The following UBE2W variants were observed in gnomAD, a reference collection of about 807,000 sequenced individuals.
The protein encoded by UBE2W is ubiquitin-conjugating enzyme E2 W.
In UBE2W, 18 loss-of-function variants were observed where a neutral mutation model predicts 27.2. That is an observed-to-expected ratio of 0.66 (90% CI 0.46 to 0.98). The LOEUF (loss-of-function observed/expected upper bound fraction) is 0.98. UBE2W is among the 50% of genes least tolerant of loss of function. The probability of loss-of-function intolerance (pLI) is 0.00; values close to 1 mark genes in which losing one functional copy is unlikely to be tolerated. For missense variants in UBE2W, 90 were observed against 180.2 expected (o/e 0.50, Z 2.87); for synonymous variants, 53 against 57.2 (o/e 0.93, Z 0.33).
intron 4 of UBE2W, among the ~76,000 whole-genome samples, chr8:73,809,571 T>C (rs1427611646): frequency 6.6e-6 from 1 of 152,122 alleles, no homozygotes; most frequent in African/African-American, 2.4e-5. Flanking sequence ...AATTTATATG[T>C]ATATTTTAAA....
At chr8:73,783,608 A>G (rs879712522), downstream of UBE2W, among the ~76,000 whole-genome samples, 27 of 152,068 alleles carry the variant, frequency 1.8e-4, no homozygotes, top group Non-Finnish European at 3.5e-4. Flanking sequence ...TTACTGAAAA[A>G]GCCTCTTGGG....
intron 3 of UBE2W, 66 bp downstream of exon 3, chr8:73,825,081 G>T: frequency 1.0e-6 from 1 of 980,842 alleles, no homozygotes; most frequent in Non-Finnish European, 1.5e-6. Flanking sequence ...TTTTTACTGA[G>T]TCAAACATCT....
At chr8:73,795,858 G>A in intron 5 of UBE2W, 1 of 784,484 alleles carries the variant, frequency 1.3e-6, no homozygotes, top group African/African-American at 1.9e-5. Context: ...GAGGTGGATG[G>A]ACTGCTTGGG....
Position 73,873,310 on chromosome 8 carries a change from T to G in UBE2W, c.15+5498A>C, listed in dbSNP as rs574886367. Among the ~76,000 whole-genome samples the G allele has an allele frequency of 7.9e-5, 12 of 152,288 alleles. No individual in the cohort carries two copies. The South Asian group carries it at 2.5e-3, about 32-fold the overall frequency. ...CAACATGACTACTACAACAGTAATG[T>G]CTGTAAGAGTCCATGTTCCATCTCT... is the stretch of plus-strand genomic sequence containing the variant. On this transcript the variant is annotated intron_variant, in intron 1 of 5. Coordinates refer to ENST00000602593, the MANE Select transcript of UBE2W (RefSeq NM_018299.6).
At chr8:73,839,184 T>A (rs1810427191) in intron 1 of UBE2W, among the ~76,000 whole-genome samples, 1 of 152,174 alleles carries the variant, frequency 6.6e-6, no homozygotes. Context: ...TTAAGTTTGC[T>A]ATTTCAGAGA....
intron 1 of UBE2W, among the ~76,000 whole-genome samples, chr8:73,835,900 G>C (rs892039671): frequency 2.6e-5 from 4 of 152,146 alleles, no homozygotes; most frequent in Admixed American, 6.5e-5. Flanking sequence ...ATAACCATGT[G>C]ATGATTTGTA....
intron 1 of UBE2W, among the ~76,000 whole-genome samples, chr8:73,868,353 C>T: frequency 6.6e-6 from 1 of 152,208 alleles, no homozygotes; most frequent in East Asian, 1.9e-4. Context: ...CCCCACGGGG[C>T]CAAAGGCTCC....
chr8:73,840,676 C>T (rs1381786712), intron 1 of UBE2W, among the ~76,000 whole-genome samples: 1 of 152,136 alleles, frequency 6.6e-6, no homozygotes, highest in African/African-American at 2.4e-5. Context: ...TCCAGCCCTG[C>T]CCCTTTTGCA....
At chr8:73,816,522 C>A (rs140028754) in intron 3 of UBE2W, among the ~76,000 whole-genome samples, 194 of 152,122 alleles carry the variant, frequency 1.3e-3, no homozygotes, top group African/African-American at 4.5e-3. Context: ...GGTAAGGAGG[C>A]ATGAATAGGA....
At chr8:73,872,176 C>T (rs1403844850) in intron 1 of UBE2W, among the ~76,000 whole-genome samples, 2 of 152,158 alleles carry the variant, frequency 1.3e-5, no homozygotes, top group Non-Finnish European at 2.9e-5. Flanking sequence ...TTACTTTCTG[C>T]TTTAGATTTC....
chr8:73,808,805 G>A (rs954722174), intron 4 of UBE2W, among the ~76,000 whole-genome samples: 1 of 152,156 alleles, frequency 6.6e-6, no homozygotes, highest in Admixed American at 6.6e-5. Flanking sequence ...CTTATACTAA[G>A]TGTACAAGAA....
At chr8:73,862,534 A>C (rs1811572888) in intron 1 of UBE2W, among the ~76,000 whole-genome samples, 1 of 151,262 alleles carries the variant, frequency 6.6e-6, no homozygotes, top group African/African-American at 2.4e-5. Context: ...CTTCATGTCC[A>C]AAACACCAAA....
At position 73,844,251 on chromosome 8, in the gene UBE2W, T is replaced by C. The variant is rs571290037; in HGVS notation, c.16-13779A>G. Among the ~76,000 whole-genome samples the C allele has an allele frequency of 5.7e-4, 72 of 125,600 alleles. 1 individual carries two copies. In the South Asian group the frequency reaches 6.6e-3, roughly 12 times the overall value. The allele number at this position is 125,600 out of a possible 152,430, so 82.4% of individuals were successfully genotyped here. ...CTCAACTCACTGCAACCTCCCTGCCTGATTCTCCTGCCTCAGCCTGCCAGT... is the reference window on the plus strand; with the variant it reads ...CTCAACTCACTGCAACCTCCCTGCCCGATTCTCCTGCCTCAGCCTGCCAGT... On this transcript the variant is annotated intron_variant, in intron 1 of 5. Coordinates refer to ENST00000602593, the MANE Select transcript of UBE2W (RefSeq NM_018299.6).
downstream of UBE2W, among the ~76,000 whole-genome samples, chr8:73,783,486 T>G (rs960879154): frequency 4.6e-5 from 7 of 152,238 alleles, no homozygotes; most frequent in African/African-American, 1.7e-4. Context: ...TGGCATCTTT[T>G]TTTGAAAATC....
At chr8:73,811,032 G>A (rs990587712) in intron 3 of UBE2W, among the ~76,000 whole-genome samples, 1 of 152,126 alleles carries the variant, frequency 6.6e-6, no homozygotes, top group Non-Finnish European at 1.5e-5. Flanking sequence ...GGGAAAATAT[G>A]AATGACAGGT....
rs141103272 is a variant in UBE2W at position 73,843,624 on chromosome 8, G to A, written c.16-13152C>T. Reference sequence around the variant, plus strand: ...CACTCCAGCCTGAGTGACAGAGAGAGACCCTGTCTCTTTAAAAGAAAAAAG... The same window carrying A: ...CACTCCAGCCTGAGTGACAGAGAGAAACCCTGTCTCTTTAAAAGAAAAAAG... On this transcript the variant is annotated intron_variant, in intron 1 of 5. Coordinates refer to ENST00000602593, the MANE Select transcript of UBE2W (RefSeq NM_018299.6). 5.5e-3 allele frequency among the ~76,000 whole-genome samples: 839 copies of A among 152,088 alleles called. 11 individuals are homozygous for A. The highest frequency in any genetic ancestry group is 0.018 in the African/African-American group (738 of 41,474).
Position 73,791,238 on chromosome 8 carries a change from C to T in UBE2W, c.*2864G>A. The stretch of plus-strand genomic sequence containing the variant: ...ACTGAAAACAATCCTTCTCTCTAAA[C>T]CTATGGCATTAATCCCTACTTGACC... On this transcript the variant is annotated 3_prime_UTR_variant, in exon 6 of 6. Transcript: ENST00000602593. 2.0e-6 allele frequency: 2 copies of T among 982,014 alleles called. No homozygotes were observed. The highest frequency in any genetic ancestry group is 2.4e-6 in the Non-Finnish European group (2 of 829,378). 60.8% of individuals were successfully genotyped at this position (982,014 alleles called of 1,614,324 possible).
chr8:73,788,649 T>A lies in UBE2W; in HGVS notation c.*5453A>T. On this transcript the variant is annotated 3_prime_UTR_variant, in exon 6 of 6. Transcript: ENST00000602593. ...CTTCAAAAGAGGCAGGATTATTAAA[T>A]CTTTCCATACACCAGAAAATCTGAC... 1 of 985,450 alleles carries A rather than the reference T, an allele frequency of 1.0e-6. No individual in the cohort carries two copies. Among genetic ancestry groups the A allele is most frequent in the Non-Finnish European group, 1.2e-6 (1 of 829,928 alleles). The allele number at this position is 985,450 out of a possible 1,614,324, so 61.0% of individuals were successfully genotyped here.
intron 1 of UBE2W, among the ~76,000 whole-genome samples, chr8:73,845,369 T>C (rs1810749479): frequency 6.6e-6 from 1 of 152,182 alleles, no homozygotes; most frequent in African/African-American, 2.4e-5. Flanking sequence ...CTAAGAGAAA[T>C]TCTTCTGCCT....
Sources: gnomAD v4.1 joint callset for allele counts (sites outside exome capture counted in the v4.1 genomes callset) on GRCh38, gnomAD v4.1.1 for gene constraint, MANE v1.5 for transcripts, NCBI Gene and HGNC (gene_info 2026-07-23, HGNC 2026-07-21) for gene names.